PTPN21: variants seen among roughly 807,000 people sequenced by gnomAD.
PTPN21 encodes protein tyrosine phosphatase non-receptor type 21.
Under a neutral mutation model 131.8 loss-of-function variants are expected in PTPN21, and 77 were observed. The observed-to-expected ratio is 0.58, with a 90% confidence interval of 0.49 to 0.71. The LOEUF (loss-of-function observed/expected upper bound fraction) is 0.71, where lower values mean the gene tolerates loss of function less well. PTPN21 is among the 30% of genes least tolerant of loss of function. The pLI is 0.00. For synonymous variants in PTPN21, 715 were observed against 621.3 expected (o/e 1.15, Z -2.24); for missense variants, 1,552 against 1,527.1 (o/e 1.02, Z -0.27).
intron 2 of PTPN21, among the ~76,000 whole-genome samples, chr14:88,536,357 G>C (rs2078631223): frequency 1.3e-5 from 2 of 152,196 alleles, no homozygotes; most frequent in South Asian, 4.1e-4. Flanking sequence ...AACTGTGCCT[G>C]CTTTGTAAAC....
rs1264565857 is a variant in PTPN21 at position 88,489,727 on chromosome 14, T to G, written c.933-3885A>C. Among the ~76,000 whole-genome samples, 3 of 152,202 alleles carry G rather than the reference T, an allele frequency of 2.0e-5. No individual in the cohort carries two copies. In the East Asian group the frequency reaches 5.8e-4, roughly 29 times the overall value. ...GTTTGTCTCAATGACTTACACCTTT[T>G]GAGCTCACTATAGTAAGGGTAAGGA... On this transcript the variant is annotated intron_variant, in intron 10 of 18. Coordinates refer to ENST00000556564, the MANE Select transcript of PTPN21 (RefSeq NM_007039.4).
At chr14:88,468,418 C>A (rs562759160) in intron 18 of PTPN21, among the ~76,000 whole-genome samples, 153 bp from the exon 19 acceptor site, 1 of 152,314 alleles carries the variant, frequency 6.6e-6, no homozygotes, top group East Asian at 1.9e-4. Context: ...TGATTGCCTA[C>A]TTCTGATTTT....
chr14:88,529,625 C>A (rs925665342), intron 2 of PTPN21, among the ~76,000 whole-genome samples: 1 of 152,070 alleles, frequency 6.6e-6, no homozygotes, highest in Admixed American at 6.6e-5. Context: ...CCAGGAAATA[C>A]ATCACAAAAA....
rs184980761 is a variant in PTPN21, at chr14:88,501,290, G to A, written c.666C>T (p.Tyr222=). ...ERMDGYGEES[Y]PAKDSQGSDI... ...GCCAAGCCACACTTACCTTAGCAGG[G>A]TAGCTCTCTTCTCCATAGCCATCCA... The change falls in exon 7 of 19, where the codon TAC becomes TAT. Residue 222 remains tyrosine (Y), a synonymous_variant. Transcript: ENST00000556564. 6 of 1,612,582 alleles carry A rather than the reference G, an allele frequency of 3.7e-6. No individual in the cohort carries two copies. The East Asian group carries it at 6.7e-5, about 18-fold the overall frequency.
chr14:88,508,056 A>G (rs928823088), intron 3 of PTPN21, 36 bp from the exon 4 acceptor site: 8 of 1,160,246 alleles, frequency 6.9e-6, no homozygotes, highest in Admixed American at 3.9e-5. Context: ...GTCAATGTCA[A>G]TATTATCTCA....
chr14:88,478,642 T>TGA (rs903478998), intron 13 of PTPN21, among the ~76,000 whole-genome samples: 65 of 151,818 alleles, frequency 4.3e-4, no homozygotes, highest in Admixed American at 3.3e-4. Context: ...TACTAAAACA[T>TGA]TTCATTCATC....
At chr14:88,491,836 A>C (rs552174216) in intron 10 of PTPN21, among the ~76,000 whole-genome samples, 1 of 152,198 alleles carries the variant, frequency 6.6e-6, no homozygotes, top group South Asian at 2.1e-4. Flanking sequence ...TTCCATTTTA[A>C]AAAGATTCAG....
intron 11 of PTPN21, 97 bp from the exon 12 acceptor site, chr14:88,485,257 C>A: frequency 1.5e-6 from 1 of 665,740 alleles, no homozygotes; most frequent in Admixed American, 3.4e-5. Context: ...AAAAAAACTT[C>A]TAAAGGAATT....
Position 88,479,920 on chromosome 14 carries a change from G to A in PTPN21, c.1511C>T (p.Ser504Leu), listed in dbSNP as rs774983220. 10 of 1,603,208 alleles carry A rather than the reference G, an allele frequency of 6.2e-6. No individual in the cohort carries two copies. In the Admixed American group the frequency reaches 1.2e-4, roughly 19 times the overall value. The change falls in exon 13 of 19, where the codon TCG becomes TTG. Residue 504 changes from serine to leucine, a missense_variant. Transcript: ENST00000556564. ...PEIREHAQLP[S>L]PAAAHCPFSL... ...GAACGGGCAGTGTGCGGCCGCTGGC[G>A]AGGGGAGCTGTGCGTGCTCGCGGAT...
intron 2 of PTPN21, among the ~76,000 whole-genome samples, chr14:88,543,965 T>G (rs765396221): frequency 1.1e-5 from 1 of 88,592 alleles, no homozygotes; most frequent in Non-Finnish European, 2.4e-5. Context: ...GTTATAAAAC[T>G]AACACAATAT....
At position 88,469,889 on chromosome 14, in the gene PTPN21, T is replaced by C. The variant is rs886282979; in HGVS notation, c.3000+33A>G. Reference sequence around the variant, plus strand: ...TTAACATTAACTGTTCTTCAGAGGCTGAGAAAATCACTTAAGAGAAATAAG... The same window carrying C: ...TTAACATTAACTGTTCTTCAGAGGCCGAGAAAATCACTTAAGAGAAATAAG... On this transcript the variant is annotated intron_variant, in intron 16 of 18. Transcript: ENST00000556564. This position sits in a 1 kb window ranked among gnomAD's most constrained non-coding sequence, Gnocchi z 4.3. The C allele has an allele frequency of 8.1e-6, 13 of 1,613,026 alleles. No homozygotes were observed. The highest frequency in any genetic ancestry group is 1.1e-5 in the Non-Finnish European group (13 of 1,179,272).
chr14:88,548,554 T>C (rs766691884), intron 2 of PTPN21, among the ~76,000 whole-genome samples: 1 of 152,182 alleles, frequency 6.6e-6, no homozygotes, highest in African/African-American at 2.4e-5. Context: ...ACAGCATGCA[T>C]CATGCCTGTT....
chr14:88,506,433 A>G lies in PTPN21; in HGVS notation c.449-1062T>C, dbSNP rs115069278. Among the ~76,000 whole-genome samples, 821 of 152,304 alleles carry G rather than the reference A, an allele frequency of 5.4e-3. 5 individuals are homozygous for G. The highest frequency in any genetic ancestry group is 0.019 in the African/African-American group (797 of 41,572). Reference sequence around the variant, plus strand: ...CAATTCAAAAATGCTGGTGAAATGCAGAATCTTTATTTATATATGTACATT... The same window carrying G: ...CAATTCAAAAATGCTGGTGAAATGCGGAATCTTTATTTATATATGTACATT... On this transcript the variant is annotated intron_variant, in intron 4 of 18. Coordinates refer to ENST00000556564, the MANE Select transcript of PTPN21 (RefSeq NM_007039.4).
chr14:88,522,758 T>C (rs2078414977), intron 2 of PTPN21, among the ~76,000 whole-genome samples: 1 of 152,164 alleles, frequency 6.6e-6, no homozygotes, highest in Admixed American at 6.6e-5. Flanking sequence ...ACTAAATTAT[T>C]GTAACATTAT....
Position 88,479,183 on chromosome 14 carries a change from G to A in PTPN21, c.2248C>T (p.Leu750=). Reference sequence around the variant, plus strand: ...AGGATGTGCAGGGGCCCGGCGAGCAGGACGCGAGGGCAGCCAGGTGGGTCC... The same window carrying A: ...AGGATGTGCAGGGGCCCGGCGAGCAAGACGCGAGGGCAGCCAGGTGGGTCC... ...AQDPPGCPRV[L]LAGPLHILEP... The change falls in exon 13 of 19, where the codon CTG becomes TTG. Residue 750 remains leucine (L), a synonymous_variant. Coordinates refer to ENST00000556564, the MANE Select transcript of PTPN21 (RefSeq NM_007039.4). The A allele has an allele frequency of 6.4e-7, 1 of 1,563,940 alleles. No individual in the cohort carries two copies. Among genetic ancestry groups the A allele is most frequent in the Non-Finnish European group, 8.6e-7 (1 of 1,158,084 alleles).
intron 13 of PTPN21, among the ~76,000 whole-genome samples, chr14:88,477,446 TAAAAAAAAAAA>T (rs59381948): frequency 0.043 from 3,306 of 76,564 alleles, 230 homozygotes; most frequent in African/African-American, 0.14. Flanking sequence ...AAGACTGTTC[TAAAAAAAAAAA>T]AAAAAAAAAA....
rs1006699065 is a variant in PTPN21 at position 88,467,383 on chromosome 14, A to T, written c.*754T>A. On this transcript the variant is annotated 3_prime_UTR_variant, in exon 19 of 19. Transcript: ENST00000556564. ...GAATAATACTGAAAAAATAATGCTT[A>T]TTCTCTTACATTTTAAATAATGTGC... 2 of 152,240 alleles carry T rather than the reference A, an allele frequency of 1.3e-5. No individual in the cohort carries two copies. Among genetic ancestry groups the T allele is most frequent in the African/African-American group, 4.8e-5 (2 of 41,466 alleles). 9.4% of individuals were successfully genotyped at this position (152,240 alleles called of 1,614,324 possible).
intron 10 of PTPN21, among the ~76,000 whole-genome samples, chr14:88,488,552 G>C (rs539859030): frequency 6.6e-6 from 1 of 152,314 alleles, no homozygotes; most frequent in East Asian, 1.9e-4. Flanking sequence ...GTAACTGTTG[G>C]CTGTGGTTTC....
intron 2 of PTPN21, among the ~76,000 whole-genome samples, chr14:88,535,289 A>C (rs560464796): frequency 3.3e-4 from 50 of 152,144 alleles, no homozygotes; most frequent in Non-Finnish European, 6.3e-4. Context: ...ACAACAATGA[A>C]ATTGCCTAAC....
Sources: gnomAD v4.1 joint callset for allele counts (sites outside exome capture counted in the v4.1 genomes callset) on GRCh38, gnomAD v4.1.1 for gene constraint, Gnocchi (gnomAD v3.1) non-coding constraint, MANE v1.5 for transcripts, NCBI Gene and HGNC (gene_info 2026-07-23, HGNC 2026-07-21) for gene names.